The following GJB6 variants were observed in gnomAD, a reference collection of about 807,000 sequenced individuals.
GJB6 encodes gap junction protein beta 6.
GJB6 carries 5 observed loss-of-function variants against 5.4 expected under a neutral mutation model. That is an observed-to-expected ratio of 0.92 (90% CI 0.48 to 1.93). GJB6 has a LOEUF of 1.93. Among genes scored for constraint, GJB6 ranks in the 30% most tolerant of loss-of-function variants. GJB6 has a pLI of 0.01. For synonymous variants in GJB6, 136 were observed against 129.6 expected (o/e 1.05, Z -0.34); for missense variants, 298 against 326.9 (o/e 0.91, Z 0.68).
At position 20,227,370 on chromosome 13, in the gene GJB6, TGAG is replaced by T. The variant is rs1291835178; in HGVS notation, c.-16+2207_-16+2209del. Among the ~76,000 whole-genome samples, 3 of 152,018 alleles carry T rather than the reference TGAG, an allele frequency of 2.0e-5. No individual in the cohort carries two copies. The East Asian group carries it at 5.8e-4, about 29-fold the overall frequency. On this transcript the variant is annotated intron_variant, in intron 4 of 4. Coordinates refer to ENST00000647029, the MANE Select transcript of GJB6 (RefSeq NM_001110219.3). Reference sequence around the variant, plus strand: ...GAGATGCCGAGCTTGCTGAGAAAAATGAGGTTAAATCCAATACAAGTGTGTCTA... The same window carrying T: ...GAGATGCCGAGCTTGCTGAGAAAAATGTTAAATCCAATACAAGTGTGTCTA...
At position 20,223,038 on chromosome 13, in the gene GJB6, G is replaced by A. The variant is rs769645915; in HGVS notation, c.443C>T (p.Ala148Val). The A allele has an allele frequency of 3.1e-6, 5 of 1,613,258 alleles. No individual in the cohort carries two copies. The highest frequency in any genetic ancestry group is 1.7e-5 in the Admixed American group (1 of 60,024). ...GAAGTAAAACACATACATAAAGGCT[G>A]CTTCAAAGATGATTCGGAAAAAGAT... is the stretch of plus-strand genomic sequence containing the variant. ...SSIFFRIIFE[A>V]AFMYVFYFLY... The change falls in exon 5 of 5, where the codon GCA becomes GTA. Residue 148 changes from alanine (A) to valine (V), a missense_variant. Coordinates refer to ENST00000647029, the MANE Select transcript of GJB6 (RefSeq NM_001110219.3).
In GJB6 at chr13:20,223,475, A is replaced by G. The variant is rs200415730; in HGVS notation, c.6T>C (p.Asp2=). M[D]WGTLHTFIGG... ...CGATGAAAGTGTGCAGCGTCCCCCA[A>G]TCCATTGCGCTGGTTTATCCCTAAA... Residue 2 remains aspartate (D), a synonymous_variant, in exon 5 of 5, where the codon GAT becomes GAC. Transcript: ENST00000647029. 6.8e-5 allele frequency: 110 copies of G among 1,613,874 alleles called. No homozygotes were observed. The African/African-American group carries it at 1.2e-3, about 18-fold the overall frequency.
At chr13:20,224,723 G>T (rs1274470451) in intron 4 of GJB6, among the ~76,000 whole-genome samples, 1 of 152,202 alleles carries the variant, frequency 6.6e-6, no homozygotes, top group Non-Finnish European at 1.5e-5. Flanking sequence ...ATAAAAGGAG[G>T]TATCATGGAC....
rs188517249 is a variant in GJB6, at chr13:20,224,362, T to C, written c.-15-867A>G. Among the ~76,000 whole-genome samples the C allele has an allele frequency of 1.9e-4, 29 of 152,362 alleles. No individual in the cohort carries two copies. In the East Asian group the frequency reaches 3.1e-3, roughly 16 times the overall value. On this transcript the variant is annotated intron_variant, in intron 4 of 4. Transcript: ENST00000647029. ...AATAACATCATCTGCCATACTCATG[T>C]GTTCTTAGGAAATCTAATATTGTCA...
chr13:20,223,407 A>G lies in GJB6; in HGVS notation c.74T>C (p.Ile25Thr). 3 of 1,614,158 alleles carry G rather than the reference A, an allele frequency of 1.9e-6. No homozygotes were observed. ...GACTCGGAAAATAAAGATGACTGTGATCCACACCTTCCCGATGCTGGTGGA... is the reference window on the plus strand; with the variant it reads ...GACTCGGAAAATAAAGATGACTGTGGTCCACACCTTCCCGATGCTGGTGGA... ...KHSTSIGKVW[I>T]TVIFIFRVMI... is the part of the protein sequence containing the mutation. The change falls in exon 5 of 5, where the codon ATC (isoleucine) becomes ACC (threonine). Residue 25 changes from isoleucine to threonine, a missense_variant. Ile to Thr is a moderately conservative substitution (Grantham distance 89). Transcript: ENST00000647029.
chr13:20,227,596 A>G (rs1869681073), intron 4 of GJB6, among the ~76,000 whole-genome samples: 3 of 152,198 alleles, frequency 2.0e-5, no homozygotes, highest in Admixed American at 2.0e-4. Context: ...ACAGTGAGAC[A>G]GTGGCTCTTT....
rs765950906 is a variant in GJB6, at chr13:20,223,512, G to A, written c.-15-17C>T. The A allele has an allele frequency of 6.2e-7, 1 of 1,602,396 alleles. No individual in the cohort carries two copies. Among genetic ancestry groups the A allele is most frequent in the South Asian group, 1.1e-5 (1 of 90,838 alleles). On this transcript the variant is annotated splice_polypyrimidine_tract_variant and intron_variant, in intron 4 of 4. Coordinates refer to ENST00000647029, the MANE Select transcript of GJB6 (RefSeq NM_001110219.3). The stretch of plus-strand genomic sequence containing the variant: ...GGTTTATCCCTAAACAGACAAAAGT[G>A]GGCAAAGGTTTATTAGTGGAAGAGG...
chr13:20,229,147 A>AAATAAAT (rs1869871574), intron 4 of GJB6, among the ~76,000 whole-genome samples: 1 of 89,196 alleles, frequency 1.1e-5, no homozygotes, highest in African/African-American at 5.9e-5. Flanking sequence ...AAAAAAAAAA[A>AAATAAAT]AAATTTTTTT....
At chr13:20,231,776 C>T (rs1048429787) in intron 1 of GJB6, among the ~76,000 whole-genome samples, 1 of 152,242 alleles carries the variant, frequency 6.6e-6, no homozygotes, top group African/African-American at 2.4e-5. Flanking sequence ...GGGCACCGGC[C>T]CTCACTCTGG....
intron 4 of GJB6, 145 bp from the exon 5 acceptor site, chr13:20,223,640 GT>G (rs1369384479): frequency 4.3e-5 from 32 of 735,914 alleles, no homozygotes; most frequent in Admixed American, 6.0e-5. Flanking sequence ...CTAGTCTGAG[GT>G]TTTCTGAAAA....
At chr13:20,225,007 C>G (rs1869479423) in intron 4 of GJB6, among the ~76,000 whole-genome samples, 1 of 152,226 alleles carries the variant, frequency 6.6e-6, no homozygotes, top group African/African-American at 2.4e-5. Context: ...CCTCTCCCCA[C>G]CCAGGAGTGC....
intron 4 of GJB6, among the ~76,000 whole-genome samples, chr13:20,227,243 G>T (rs190317219): frequency 1.1e-4 from 17 of 152,178 alleles, no homozygotes; most frequent in Non-Finnish European, 1.9e-4. Context: ...TATCAACATA[G>T]CAAAACTGAA....
chr13:20,228,569 C>T (rs1433164954), intron 4 of GJB6, among the ~76,000 whole-genome samples: 23 of 151,290 alleles, frequency 1.5e-4, no homozygotes, highest in African/African-American at 3.4e-4. Context: ...CTGCAAGCTC[C>T]GCCTCCCGGG....
chr13:20,230,380 A>G (rs150176785), intron 3 of GJB6, among the ~76,000 whole-genome samples: 76 of 152,338 alleles, frequency 5.0e-4, no homozygotes, highest in African/African-American at 1.4e-3. Flanking sequence ...TTAAAAATTA[A>G]TTTCCATTAA....
Position 20,223,395 on chromosome 13 carries a change from A to C in GJB6, c.86T>G (p.Phe29Cys). ...SIGKVWITVI[F>C]IFRVMILVVA... ...CACGAGGATCATGACTCGGAAAATA[A>C]AGATGACTGTGATCCACACCTTCCC... The change falls in exon 5 of 5, where the codon TTT (phenylalanine) becomes TGT (cysteine). Residue 29 changes from phenylalanine to cysteine, a missense_variant. By Grantham distance (205) the Phe-to-Cys change is radical. Transcript: ENST00000647029. The C allele has an allele frequency of 6.2e-7, 1 of 1,614,088 alleles. No individual in the cohort carries two copies. The highest frequency in any genetic ancestry group is 8.5e-7 in the Non-Finnish European group (1 of 1,179,980).
chr13:20,223,810 G>GA (rs373830537), intron 4 of GJB6, among the ~76,000 whole-genome samples: 6 of 150,552 alleles, frequency 4.0e-5, no homozygotes, highest in Non-Finnish European at 7.4e-5. Context: ...CTAACAATAC[G>GA]AAAAAAAAAT....
chr13:20,228,578 G>A (rs987237713), intron 4 of GJB6, among the ~76,000 whole-genome samples: 12 of 151,016 alleles, frequency 7.9e-5, no homozygotes, highest in Admixed American at 4.6e-4. Flanking sequence ...CCGCCTCCCG[G>A]GTTCACGCCG....
chr13:20,228,506 T>C lies in GJB6; in HGVS notation c.-16+1074A>G, dbSNP rs573507443. ...TTTTTGTTTTTTGTTTTTTTTGAGA[T>C]GGAGTCTAGCTCTGTTGCCCAAGCT... On this transcript the variant is annotated intron_variant, in intron 4 of 4. Transcript: ENST00000647029. Among the ~76,000 whole-genome samples the C allele has an allele frequency of 4.1e-3, 626 of 151,296 alleles. 1 individual carries two copies. Among genetic ancestry groups the C allele is most frequent in the Non-Finnish European group, 6.4e-3 (431 of 67,768 alleles).
At chr13:20,231,919 C>G (rs1031339969) in intron 1 of GJB6, among the ~76,000 whole-genome samples, 1 of 152,244 alleles carries the variant, frequency 6.6e-6, no homozygotes, top group South Asian at 2.1e-4. Context: ...GCGGGCGGCG[C>G]CCACTGCCAT....
Sources: allele counts gnomAD v4.1 joint callset (sites outside exome capture counted in the v4.1 genomes callset), GRCh38; gene constraint gnomAD v4.1.1; transcripts MANE v1.5; gene names NCBI Gene and HGNC (gene_info 2026-07-23, HGNC 2026-07-21).